RCSD1: variants seen among roughly 807,000 people sequenced by gnomAD.
RCSD1 encodes the protein RCSD domain containing 1.
Under a neutral mutation model 42.5 loss-of-function variants are expected in RCSD1, and 26 were observed. The observed-to-expected ratio is 0.61, with a 90% CI of 0.45 to 0.85. The LOEUF (loss-of-function observed/expected upper bound fraction) is 0.85, where lower values mean the gene tolerates loss of function less well. Ranked by LOEUF, RCSD1 falls within the 40% of genes least tolerant of loss-of-function variation. The pLI is 0.00. For missense variants in RCSD1, 571 were observed against 528.3 expected, an observed-to-expected ratio of 1.08 and a Z score of -0.79; for synonymous variants, 220 against 212.2, an observed-to-expected ratio of 1.04 and a Z score of -0.32.
At chr1:167,683,095 G>A (rs1659123663) in intron 1 of RCSD1, among the ~76,000 whole-genome samples, 1 of 152,196 alleles carries the variant, frequency 6.6e-6, no homozygotes, top group Non-Finnish European at 1.5e-5. Context: ...GGCCTCTTCA[G>A]GGAACCTGGG....
At chr1:167,677,150 T>C (rs1206764227) in intron 1 of RCSD1, among the ~76,000 whole-genome samples, 2 of 152,244 alleles carry the variant, frequency 1.3e-5, no homozygotes, top group Non-Finnish European at 1.5e-5. Flanking sequence ...ACCTTATCTA[T>C]TTCTTGCAGT....
intron 1 of RCSD1, among the ~76,000 whole-genome samples, chr1:167,660,472 T>TG (rs199906341): frequency 0.027 from 3,855 of 145,030 alleles, 98 homozygotes; most frequent in South Asian, 0.069. Flanking sequence ...AATTCACTGT[T>TG]TTGTTTTTTT....
chr1:167,693,799 T>C (rs1359618886), intron 4 of RCSD1, among the ~76,000 whole-genome samples: 2 of 152,216 alleles, frequency 1.3e-5, no homozygotes, highest in African/African-American at 4.8e-5. Flanking sequence ...CAGTTGCTGC[T>C]TCGCCACTTT....
chr1:167,635,592 C>A (rs1048459466), intron 1 of RCSD1, among the ~76,000 whole-genome samples: 1 of 152,140 alleles, frequency 6.6e-6, no homozygotes, highest in African/African-American at 2.4e-5. Context: ...GCTCAGCAGC[C>A]CGGTAATCTT....
intron 5 of RCSD1, among the ~76,000 whole-genome samples, chr1:167,696,020 A>T (rs1569636): frequency 2.6e-5 from 4 of 152,120 alleles, no homozygotes; most frequent in South Asian, 4.1e-4. Context: ...GGTGGACCTG[A>T]GTTCTAGAAG....
chr1:167,645,693 C>T lies in RCSD1; in HGVS notation c.6+15264C>T, dbSNP rs988550763. ...GATGAGAAGAAATGAAGGATGCCCA[C>T]GGGGAACTGTGAGTGCCCTAAGCGA... On this transcript the variant is annotated intron_variant, in intron 1 of 6. Coordinates refer to ENST00000367854, the MANE Select transcript of RCSD1 (RefSeq NM_052862.4). Among the ~76,000 whole-genome samples the T allele has an allele frequency of 4.6e-5, 7 of 152,278 alleles. No homozygotes were observed. The East Asian group carries it at 7.7e-4, about 17-fold the overall frequency.
At chr1:167,690,142 T>A in intron 4 of RCSD1, 22 bp downstream of exon 4, 1 of 1,610,274 alleles carries the variant, frequency 6.2e-7, no homozygotes, top group Non-Finnish European at 8.5e-7. Flanking sequence ...ATTCATTGTC[T>A]ATTGCTACCT....
chr1:167,668,958 C>A (rs1423387761), intron 1 of RCSD1, among the ~76,000 whole-genome samples: 1 of 152,210 alleles, frequency 6.6e-6, no homozygotes, highest in East Asian at 1.9e-4. Flanking sequence ...TGTAGTTAAA[C>A]AGATTTGTGA....
intron 1 of RCSD1, among the ~76,000 whole-genome samples, chr1:167,643,134 G>A (rs188990731): frequency 6.6e-6 from 1 of 152,336 alleles, no homozygotes; most frequent in East Asian, 1.9e-4. Context: ...GATTATGCAT[G>A]TAATAAATAT....
chr1:167,640,952 C>G (rs191220524), intron 1 of RCSD1, among the ~76,000 whole-genome samples: 54 of 152,242 alleles, frequency 3.5e-4, no homozygotes, highest in African/African-American at 1.3e-3. Flanking sequence ...AGGAGTGAAT[C>G]CTGGGTTATT....
intron 1 of RCSD1, among the ~76,000 whole-genome samples, chr1:167,670,802 C>A (rs1332416028): frequency 6.6e-6 from 1 of 152,156 alleles, no homozygotes; most frequent in African/African-American, 2.4e-5. Flanking sequence ...ATCATCTTGA[C>A]TCCACCCTGC....
intron 1 of RCSD1, among the ~76,000 whole-genome samples, chr1:167,651,367 C>A (rs79341370): frequency 6.6e-6 from 1 of 152,186 alleles, no homozygotes; most frequent in South Asian, 2.1e-4. Context: ...TGGGTCCCAC[C>A]TTTCCCTTCA....
chr1:167,683,559 G>A (rs1167597399), intron 1 of RCSD1, among the ~76,000 whole-genome samples: 2 of 152,184 alleles, frequency 1.3e-5, no homozygotes, highest in African/African-American at 2.4e-5. Flanking sequence ...AAGGAGACTC[G>A]TACACTGTCG....
intron 6 of RCSD1, among the ~76,000 whole-genome samples, chr1:167,698,075 T>C (rs1266383769): frequency 6.6e-6 from 1 of 152,196 alleles, no homozygotes; most frequent in Non-Finnish European, 1.5e-5. Flanking sequence ...TCTCGCTGAC[T>C]TGGAGTTCTG....
Position 167,697,417 on chromosome 1 carries a change from A to C in RCSD1, c.793A>C (p.Arg265=), listed in dbSNP as rs779338561. ...GGAAGCCAAGAACGGTGAAAAGGCC[A>C]GGCGGAGTTCAGAGGAGGTGGACGG... ...TEEAKNGEKA[R]RSSEEVDGQH... Residue 265 remains arginine (R), a synonymous_variant, in exon 6 of 7, where the codon AGG becomes CGG. Transcript: ENST00000367854. The C allele has an allele frequency of 6.2e-7, 1 of 1,613,086 alleles. No individual in the cohort carries two copies. Among genetic ancestry groups the C allele is most frequent in the African/African-American group, 1.3e-5 (1 of 74,898 alleles).
chr1:167,686,437 A>G (rs1571096987), intron 3 of RCSD1, among the ~76,000 whole-genome samples: 1 of 152,334 alleles, frequency 6.6e-6, no homozygotes, highest in Admixed American at 6.5e-5. Flanking sequence ...AACAGCTGAA[A>G]TAGATCAATG....
chr1:167,639,156 G>T (rs1237137822), intron 1 of RCSD1, among the ~76,000 whole-genome samples: 1 of 152,186 alleles, frequency 6.6e-6, no homozygotes, highest in African/African-American at 2.4e-5. Flanking sequence ...AGCGGAGGTT[G>T]CAGTGAGCAG....
intron 6 of RCSD1, among the ~76,000 whole-genome samples, chr1:167,698,303 G>A (rs58742934): frequency 0.052 from 7,865 of 152,308 alleles, 242 homozygotes; most frequent in Middle Eastern, 0.12. Context: ...GTGGAATAGG[G>A]CAGTGGACAG....
At chr1:167,672,024 T>C (rs1658821486) in intron 1 of RCSD1, among the ~76,000 whole-genome samples, 1 of 152,140 alleles carries the variant, frequency 6.6e-6, no homozygotes, top group South Asian at 2.1e-4. Flanking sequence ...TGCTGTGCAT[T>C]TCACCATGTC....
Sources: allele counts gnomAD v4.1 joint callset (sites outside exome capture counted in the v4.1 genomes callset), GRCh38; gene constraint gnomAD v4.1.1; transcripts MANE v1.5; gene names NCBI Gene and HGNC (gene_info 2026-07-23, HGNC 2026-07-21).